SYT17: variants seen among roughly 807,000 people sequenced by gnomAD.
SYT17 encodes synaptotagmin 17.
SYT17 carries 22 observed loss-of-function variants against 46.7 expected under a neutral mutation model. The ratio of observed to expected loss-of-function variants is 0.47; its 90% confidence interval spans 0.34 to 0.67. The LOEUF (loss-of-function observed/expected upper bound fraction) is 0.67, where lower values mean the gene tolerates loss of function less well. Among genes scored for constraint, SYT17 ranks in the 30% least tolerant of loss-of-function variants. The pLI, the probability that SYT17 is intolerant of heterozygous loss-of-function variation, is 0.01. For missense variants in SYT17, 519 were observed against 612.8 expected, an observed-to-expected ratio of 0.85 and a Z score of 1.62; for synonymous variants, 251 against 248.4, an observed-to-expected ratio of 1.01 and a Z score of -0.10.
intron 3 of SYT17, among the ~76,000 whole-genome samples, chr16:19,179,442 A>G (rs1964457470): frequency 6.6e-6 from 1 of 151,904 alleles, no homozygotes; most frequent in Non-Finnish European, 1.5e-5. Flanking sequence ...TGCCCAGCCA[A>G]CTTTCAGTAG....
At chr16:19,196,537 C>T (rs536578214) in intron 5 of SYT17, among the ~76,000 whole-genome samples, 1 of 140,190 alleles carries the variant, frequency 7.1e-6, no homozygotes, top group African/African-American at 2.7e-5. Flanking sequence ...GCCACCAGCA[C>T]CCAGCTGAAG....
At chr16:19,220,894 G>A (rs1266226798) in intron 5 of SYT17, among the ~76,000 whole-genome samples, 1 of 152,048 alleles carries the variant, frequency 6.6e-6, no homozygotes, top group Admixed American at 6.6e-5. Flanking sequence ...GAGGGATGAC[G>A]AAGAATGAAG....
At chr16:19,236,541 G>C (rs568654140) in intron 7 of SYT17, among the ~76,000 whole-genome samples, 31 of 152,142 alleles carry the variant, frequency 2.0e-4, no homozygotes, top group Admixed American at 3.9e-4. Context: ...GGGCCCCTGT[G>C]ACCTCCCTCA....
At chr16:19,220,637 A>T (rs1966280245) in intron 5 of SYT17, among the ~76,000 whole-genome samples, 1 of 152,086 alleles carries the variant, frequency 6.6e-6, no homozygotes, top group African/African-American at 2.4e-5. Context: ...GGCAGAATTT[A>T]TTGAGGACCA....
At chr16:19,205,439 T>C (rs1596948096) in intron 5 of SYT17, among the ~76,000 whole-genome samples, 1 of 96,664 alleles carries the variant, frequency 1.0e-5, no homozygotes, top group African/African-American at 4.5e-5. Context: ...CTTCCTTGAC[T>C]TTTTTTTTTT....
At chr16:19,172,688 G>T in intron 1 of SYT17, 72 bp from the exon 2 acceptor site, 2 of 1,598,622 alleles carry the variant, frequency 1.3e-6, no homozygotes, top group Non-Finnish European at 1.7e-6. Flanking sequence ...TGCTAAACTG[G>T]TCTTGTCTCT....
chr16:19,170,119 C>T (rs1161010267), intron 1 of SYT17: 5 of 152,114 alleles, frequency 3.3e-5, no homozygotes, highest in African/African-American at 1.2e-4. Context: ...TGTAAAGTGC[C>T]AGATACTATT....
At chr16:19,229,395 C>A (rs917370092) in intron 7 of SYT17, among the ~76,000 whole-genome samples, 6 of 151,814 alleles carry the variant, frequency 4.0e-5, no homozygotes, top group African/African-American at 1.2e-4. Flanking sequence ...CCTGACATGG[C>A]CAGAGCAGGA....
chr16:19,205,228 C>T lies in SYT17; in HGVS notation c.952-17817C>T, dbSNP rs567000769. Among the ~76,000 whole-genome samples, 435 of 152,304 alleles carry T rather than the reference C, an allele frequency of 2.9e-3. 1 individual carries two copies. Among genetic ancestry groups the T allele is most frequent in the Non-Finnish European group, 4.8e-3 (324 of 68,030 alleles). On this transcript the variant is annotated intron_variant, in intron 5 of 7. Transcript: ENST00000355377. ...TCTAAATGAGACTCAGCCCCTGTAT[C>T]TCCCTCCAACTTTATTTCCCTGGTC...
rs11286714 is a variant in SYT17 at position 19,267,278 on chromosome 16, GT to G, written c.*204del. 0.63 allele frequency: 311,839 copies of G among 494,298 alleles called. 104,002 individuals carry two copies. Among genetic ancestry groups the G allele is most frequent in the East Asian group, 1 (29,795 of 29,928 alleles). 30.6% of individuals were successfully genotyped at this position (494,298 alleles called of 1,614,324 possible). A position where few individuals can be genotyped will look rare whatever the true frequency, so the allele number is the denominator to read the frequency against. On this transcript the variant is annotated 3_prime_UTR_variant, in exon 8 of 8. Coordinates refer to ENST00000355377, the MANE Select transcript of SYT17 (RefSeq NM_016524.4). ...ATTGATCACAAAATGGCCGCCCTCA[GT>G]TGAGTGAGGCCTAGGAACTTTCCGG...
intron 5 of SYT17, among the ~76,000 whole-genome samples, chr16:19,215,654 C>A (rs1478588474): frequency 1.3e-5 from 2 of 152,040 alleles, no homozygotes; most frequent in Admixed American, 6.6e-5. Context: ...TGGCCTCAAG[C>A]AATCCTCCAG....
intron 7 of SYT17, among the ~76,000 whole-genome samples, chr16:19,246,542 G>A (rs991751468): frequency 2.0e-5 from 3 of 152,146 alleles, no homozygotes; most frequent in Admixed American, 6.5e-5. Context: ...CTAACCACTT[G>A]TAACATCTAG....
intron 5 of SYT17, 42 bp downstream of exon 5, chr16:19,184,189 T>A (rs756904389): frequency 2.7e-5 from 42 of 1,544,152 alleles, no homozygotes; most frequent in African/African-American, 2.1e-4. Flanking sequence ...GGAGCTTTTT[T>A]AAAAAGTGAT....
At chr16:19,250,157 A>G (rs1967938290) in intron 7 of SYT17, 1 of 1,378,130 alleles carries the variant, frequency 7.3e-7, no homozygotes, top group African/African-American at 1.5e-5. Flanking sequence ...ACATATTGAA[A>G]GAATTGTCCC....
chr16:19,172,427 T>C, intron 1 of SYT17: 3 of 1,433,594 alleles, frequency 2.1e-6, no homozygotes, highest in Non-Finnish European at 2.7e-6. Flanking sequence ...TCTCCTGAAG[T>C]GTGGCTGCAT....
chr16:19,197,827 C>T (rs539855442), intron 5 of SYT17, among the ~76,000 whole-genome samples: 1 of 152,268 alleles, frequency 6.6e-6, no homozygotes, highest in Non-Finnish European at 1.5e-5. Flanking sequence ...AACTGCAGCA[C>T]AGAGAGGTTG....
At chr16:19,216,902 G>T (rs1347852044) in intron 5 of SYT17, among the ~76,000 whole-genome samples, 5 of 152,146 alleles carry the variant, frequency 3.3e-5, no homozygotes, top group Non-Finnish European at 7.4e-5. Context: ...ACCCAGTAAT[G>T]GGATTGCTGG....
At chr16:19,207,684 A>G (rs1423801747) in intron 5 of SYT17, among the ~76,000 whole-genome samples, 2 of 152,098 alleles carry the variant, frequency 1.3e-5, no homozygotes, top group Non-Finnish European at 2.9e-5. Context: ...TAAGGTCACT[A>G]CCCTCAATGA....
At chr16:19,238,717 C>T (rs185358564) in intron 7 of SYT17, among the ~76,000 whole-genome samples, 41 of 152,262 alleles carry the variant, frequency 2.7e-4, no homozygotes, top group Non-Finnish European at 5.0e-4. Flanking sequence ...AGGGTTTATC[C>T]AACCACATAT....
Sources: gnomAD v4.1 joint callset for allele counts (sites outside exome capture counted in the v4.1 genomes callset) on GRCh38, gnomAD v4.1.1 for gene constraint, MANE v1.5 for transcripts, NCBI Gene and HGNC (gene_info 2026-07-23, HGNC 2026-07-21) for gene names.